The following PPP1R16B variants were observed in gnomAD, a reference collection of about 807,000 sequenced individuals.
PPP1R16B encodes the protein protein phosphatase 1 regulatory subunit 16B.
Under a neutral mutation model 61.7 loss-of-function variants are expected in PPP1R16B, and 14 were observed. That is an observed-to-expected ratio of 0.23 (90% CI 0.15 to 0.35). The LOEUF (loss-of-function observed/expected upper bound fraction) is 0.35, where lower values mean the gene tolerates loss of function less well. PPP1R16B is among the 10% of genes least tolerant of loss of function. The probability of loss-of-function intolerance (pLI) is 1.00; values close to 1 mark genes in which losing one functional copy is unlikely to be tolerated. For missense variants in PPP1R16B, 547 were observed against 752.5 expected (o/e 0.73, Z 3.19); for synonymous variants, 266 against 305.3 (o/e 0.87, Z 1.34).
intron 3 of PPP1R16B, among the ~76,000 whole-genome samples, chr20:38,891,628 T>A (rs540396186): frequency 1.3e-5 from 2 of 152,196 alleles, no homozygotes; most frequent in East Asian, 3.9e-4. Flanking sequence ...GGCAAAACCC[T>A]GTCTTTACTA....
chr20:38,882,072 T>G (rs777331908), intron 2 of PPP1R16B, among the ~76,000 whole-genome samples: 10 of 152,222 alleles, frequency 6.6e-5, no homozygotes, highest in Non-Finnish European at 1.5e-4. Flanking sequence ...AGCAGGTTAC[T>G]TATCCTCGTA....
intron 10 of PPP1R16B, among the ~76,000 whole-genome samples, chr20:38,916,972 T>C (rs2085546736): frequency 6.6e-6 from 1 of 152,208 alleles, no homozygotes; most frequent in Admixed American, 6.5e-5. Flanking sequence ...ATCCCCTGCC[T>C]ACTATTTTTA....
intron 1 of PPP1R16B, among the ~76,000 whole-genome samples, chr20:38,820,256 C>T (rs958659405): frequency 2.0e-5 from 3 of 152,140 alleles, no homozygotes; most frequent in Non-Finnish European, 4.4e-5. Context: ...TGCCTTTTAG[C>T]GAATGTATAC....
rs923075190 is a variant in PPP1R16B, at chr20:38,835,906, C to A, written c.-20C>A. On this transcript the variant is annotated 5_prime_UTR_variant, in exon 2 of 11. Transcript: ENST00000299824. ...GCACCGTGCTAGCCCCCAGCCAGGGCGTTGGGGAGGGCGGTGGCCATGGCC... is the reference window on the plus strand; with the variant it reads ...GCACCGTGCTAGCCCCCAGCCAGGGAGTTGGGGAGGGCGGTGGCCATGGCC... The A allele has an allele frequency of 9.8e-6, 15 of 1,525,746 alleles. No homozygotes were observed. The Admixed American group carries it at 2.2e-4, about 22-fold the overall frequency. The allele number at this position is 1,525,746 out of a possible 1,614,324, so 94.5% of individuals were successfully genotyped here. A position where few individuals can be genotyped will look rare whatever the true frequency, so the allele number is the denominator to read the frequency against.
At chr20:38,853,555 A>T (rs2084983200) in intron 2 of PPP1R16B, among the ~76,000 whole-genome samples, 1 of 152,340 alleles carries the variant, frequency 6.6e-6, no homozygotes, top group Middle Eastern at 3.4e-3. Flanking sequence ...GGGCACCACA[A>T]AAGTAGTAAC....
At chr20:38,857,653 T>C (rs571904991) in intron 2 of PPP1R16B, among the ~76,000 whole-genome samples, 1 of 152,342 alleles carries the variant, frequency 6.6e-6, no homozygotes, top group African/African-American at 2.4e-5. Context: ...AAAATATATA[T>C]TTAAAGCCCA....
chr20:38,881,672 A>T (rs1051153808), intron 2 of PPP1R16B, among the ~76,000 whole-genome samples: 3 of 152,204 alleles, frequency 2.0e-5, no homozygotes, highest in Admixed American at 2.0e-4. Context: ...TTCATTTGCA[A>T]ATATAGTAAC....
intron 6 of PPP1R16B, among the ~76,000 whole-genome samples, chr20:38,903,691 AC>A (rs952397654): frequency 3.3e-5 from 5 of 152,076 alleles, no homozygotes; most frequent in African/African-American, 1.2e-4. Context: ...ACTTTACTAG[AC>A]CCTGGAGACA....
chr20:38,826,984 C>T (rs367833707), intron 1 of PPP1R16B, among the ~76,000 whole-genome samples: 2 of 152,074 alleles, frequency 1.3e-5, no homozygotes, highest in African/African-American at 4.8e-5. Context: ...GGGTCTTGTC[C>T]TGTCACTCAG....
In PPP1R16B at chr20:38,895,679, C is replaced by A. The variant is rs1209245807; in HGVS notation, c.436C>A (p.His146Asn). 1 of 1,614,152 alleles carries A rather than the reference C, an allele frequency of 6.2e-7. No homozygotes were observed. Among genetic ancestry groups the A allele is most frequent in the South Asian group, 1.1e-5 (1 of 91,082 alleles). The change falls in exon 4 of 11, where the codon CAC (histidine) becomes AAC (asparagine). Residue 146 changes from histidine to asparagine, a missense_variant. Transcript: ENST00000299824. ...TCTCCATGCTGCAGCCACCTGCGGC[C>A]ACATCAACCTGGTGAAGATCCTCGT... ...TPLHAAATCG[H>N]INLVKILVQY...
At chr20:38,881,682 C>A (rs2145753076) in intron 2 of PPP1R16B, among the ~76,000 whole-genome samples, 1 of 152,336 alleles carries the variant, frequency 6.6e-6, no homozygotes, top group Middle Eastern at 3.4e-3. Flanking sequence ...AATATAGTAA[C>A]CACAAAGGCT....
chr20:38,870,054 G>T lies in PPP1R16B; in HGVS notation c.251-19541G>T, dbSNP rs141795291. On this transcript the variant is annotated intron_variant, in intron 2 of 10. Coordinates refer to ENST00000299824, the MANE Select transcript of PPP1R16B (RefSeq NM_015568.4). The stretch of plus-strand genomic sequence containing the variant: ...TTCTCCTTCCTCAGCCTCCTGAGTA[G>T]CTGGGATTACAGGTGCCCACCAACA... Among the ~76,000 whole-genome samples the T allele has an allele frequency of 5.1e-3, 773 of 152,160 alleles. 8 individuals are homozygous for T. Among genetic ancestry groups the T allele is most frequent in the African/African-American group, 0.018 (740 of 41,494 alleles).
rs996184981 is a variant in PPP1R16B at position 38,920,059 on chromosome 20, C to T, written c.*1393C>T. On this transcript the variant is annotated 3_prime_UTR_variant, in exon 11 of 11. Transcript: ENST00000299824. ...GGGTGCACGTGGTCAATATCCCCTC[C>T]TGCATTCAGGAGAGCCATGGTAGGG... 2 of 152,304 alleles carry T rather than the reference C, an allele frequency of 1.3e-5. No homozygotes were observed. The highest frequency in any genetic ancestry group is 4.8e-5 in the African/African-American group (2 of 41,468). The allele number at this position is 152,304 out of a possible 1,614,324, so 9.4% of individuals were successfully genotyped here.
At position 38,818,773 on chromosome 20, in the gene PPP1R16B, C is replaced by T. The variant is rs868059007; in HGVS notation, c.-102+12981C>T. Among the ~76,000 whole-genome samples the T allele has an allele frequency of 2.7e-3, 341 of 127,378 alleles. 2 individuals carry two copies. Among genetic ancestry groups the T allele is most frequent in the South Asian group, 0.025 (100 of 4,068 alleles). The allele number at this position is 127,378 out of a possible 152,430, so 83.6% of individuals were successfully genotyped here. On this transcript the variant is annotated intron_variant, in intron 1 of 10. Transcript: ENST00000299824. ...TGTCCTCTTTTTTTTTTTTTTTTTT[C>T]CCCTTGAGACAAGATCTCACTCTGT...
At chr20:38,889,691 A>AGGGCTCCC (rs1215148903) in intron 3 of PPP1R16B, 26 bp downstream of exon 3, 1 of 1,541,980 alleles carries the variant, frequency 6.5e-7, no homozygotes, top group South Asian at 1.1e-5. Context: ...TTGGGGCTCC[A>AGGGCTCCC]GGGCTCCCTG....
intron 2 of PPP1R16B, among the ~76,000 whole-genome samples, chr20:38,875,623 G>A (rs531034263): frequency 6.6e-5 from 10 of 152,342 alleles, no homozygotes; most frequent in Admixed American, 5.9e-4. Context: ...CAAACAGGAA[G>A]CAGGGTCTGG....
At chr20:38,849,762 G>T (rs1350391236) in intron 2 of PPP1R16B, among the ~76,000 whole-genome samples, 1 of 151,718 alleles carries the variant, frequency 6.6e-6, no homozygotes, top group Non-Finnish European at 1.5e-5. Flanking sequence ...ATTTTCATGT[G>T]CTGAGCATAC....
intron 2 of PPP1R16B, among the ~76,000 whole-genome samples, chr20:38,868,389 T>G (rs534599859): frequency 1.7e-4 from 25 of 149,460 alleles, no homozygotes; most frequent in African/African-American, 5.9e-4. Context: ...AATGGTAAGT[T>G]TTTTTTTTTT....
At chr20:38,808,372 C>G (rs944068579) in intron 1 of PPP1R16B, among the ~76,000 whole-genome samples, 2 of 152,182 alleles carry the variant, frequency 1.3e-5, no homozygotes, top group African/African-American at 4.8e-5. Flanking sequence ...TTTCCCTCCC[C>G]TCTCCCAACC....
Sources: allele counts gnomAD v4.1 joint callset (sites outside exome capture counted in the v4.1 genomes callset), GRCh38; gene constraint gnomAD v4.1.1; transcripts MANE v1.5; gene names NCBI Gene and HGNC (gene_info 2026-07-23, HGNC 2026-07-21).